Variants in TENM3 observed in about 807,000 individuals in gnomAD.
TENM3 encodes teneurin transmembrane protein 3, also known as teneurin-3.
TENM3 carries 63 observed loss-of-function variants against 255.1 expected under a neutral mutation model. That is an observed-to-expected ratio of 0.25 (90% CI 0.20 to 0.30). TENM3 has a LOEUF of 0.30. TENM3 is among the 10% of genes least tolerant of loss of function. The pLI is 1.00. For missense variants in TENM3, 2,929 were observed against 3,461.1 expected, an observed-to-expected ratio of 0.85 and a Z score of 3.86; for synonymous variants, 1,306 against 1,322.3, an observed-to-expected ratio of 0.99 and a Z score of 0.27.
At chr4:182,046,837 T>G in the TENM3 span, among the ~76,000 whole-genome samples, 7 of 152,354 alleles carry the variant, frequency 4.6e-5, no homozygotes, top group South Asian at 1.4e-3. Flanking sequence ...ATAGCAGGTT[T>G]CTATTTTGAA....
At chr4:182,333,516 GA>G (rs1763912959) in intron 2 of TENM3, among the ~76,000 whole-genome samples, 1 of 151,982 alleles carries the variant, frequency 6.6e-6, no homozygotes, top group Admixed American at 6.6e-5. Context: ...ACACGTTTTG[GA>G]AAAAATTTAG....
chr4:181,623,614 C>A, the TENM3 span, among the ~76,000 whole-genome samples: 1 of 152,204 alleles, frequency 6.6e-6, no homozygotes, highest in Non-Finnish European at 1.5e-5. Flanking sequence ...TCTTAAAAAT[C>A]TGTGAAATCA....
chr4:182,646,922 A>G (rs1173730141), intron 5 of TENM3, among the ~76,000 whole-genome samples: 2 of 152,194 alleles, frequency 1.3e-5, no homozygotes, highest in African/African-American at 4.8e-5. Flanking sequence ...AGGGAAGGAG[A>G]GAAATTAAGC....
chr4:181,690,789 G>C, the TENM3 span, among the ~76,000 whole-genome samples: 1 of 152,162 alleles, frequency 6.6e-6, no homozygotes, highest in African/African-American at 2.4e-5. Context: ...TGGATTGACA[G>C]TTATAGGTAT....
At chr4:182,059,330 A>G in the TENM3 span, among the ~76,000 whole-genome samples, 27 of 152,278 alleles carry the variant, frequency 1.8e-4, no homozygotes, top group East Asian at 4.8e-3. Context: ...TTATAGTTTT[A>G]AGAAGCACAT....
chr4:182,784,980 G>A (rs920086612), intron 24 of TENM3, among the ~76,000 whole-genome samples: 103 of 152,286 alleles, frequency 6.8e-4, no homozygotes, highest in Non-Finnish European at 3.2e-4. Flanking sequence ...GATGAACCCG[G>A]TACCTCAGAT....
the TENM3 span, among the ~76,000 whole-genome samples, chr4:181,779,702 T>C: frequency 1.3e-4 from 20 of 152,292 alleles, no homozygotes; most frequent in Middle Eastern, 3.4e-3. Context: ...GTTTGTTACA[T>C]ATGTATACGT....
chr4:182,386,148 G>A (rs575009309), intron 3 of TENM3, among the ~76,000 whole-genome samples: 11 of 152,258 alleles, frequency 7.2e-5, no homozygotes, highest in East Asian at 1.9e-4. Flanking sequence ...ATTAGAATTC[G>A]CAAAAGTATC....
intron 1 of TENM3, among the ~76,000 whole-genome samples, chr4:182,277,618 TCTC>T (rs1324851796): frequency 6.6e-6 from 1 of 152,140 alleles, no homozygotes; most frequent in East Asian, 1.9e-4. Context: ...AGGCTAGACA[TCTC>T]CTGGGAACAA....
chr4:182,230,414 T>G (rs1187273556), intron 1 of TENM3, among the ~76,000 whole-genome samples: 1 of 152,108 alleles, frequency 6.6e-6, no homozygotes, highest in Admixed American at 6.6e-5. Flanking sequence ...TGACGTTTCC[T>G]CCATCCTCCA....
chr4:182,075,840 G>A, the TENM3 span, among the ~76,000 whole-genome samples: 1 of 152,116 alleles, frequency 6.6e-6, no homozygotes, highest in South Asian at 2.1e-4. Context: ...GCCCAGACTG[G>A]AAATTTTATG....
chr4:182,080,634 T>C, the TENM3 span, among the ~76,000 whole-genome samples: 1 of 152,206 alleles, frequency 6.6e-6, no homozygotes, highest in African/African-American at 2.4e-5. Flanking sequence ...CACTATATTA[T>C]CATCCATCCA....
chr4:182,639,031 G>A (rs1241714890), intron 5 of TENM3, among the ~76,000 whole-genome samples: 2 of 152,062 alleles, frequency 1.3e-5, no homozygotes, highest in East Asian at 1.9e-4. Flanking sequence ...ATTTTTTCAT[G>A]TATCTCCTTT....
At chr4:181,857,441 G>A in the TENM3 span, among the ~76,000 whole-genome samples, 2 of 151,656 alleles carry the variant, frequency 1.3e-5, no homozygotes, top group African/African-American at 4.8e-5. Flanking sequence ...TTGGCCAGGT[G>A]CAGTGGCTCA....
chr4:181,839,496 T>A, the TENM3 span, among the ~76,000 whole-genome samples: 1 of 147,456 alleles, frequency 6.8e-6, no homozygotes, highest in African/African-American at 2.5e-5. Flanking sequence ...ATATAATATA[T>A]AATACATATG....
At chr4:181,753,210 C>T in the TENM3 span, among the ~76,000 whole-genome samples, 1 of 152,194 alleles carries the variant, frequency 6.6e-6, no homozygotes, top group South Asian at 2.1e-4. Context: ...ATTCAGCAAA[C>T]TCTAGGTCAG....
chr4:181,791,038 T>C, the TENM3 span, among the ~76,000 whole-genome samples: 1 of 152,328 alleles, frequency 6.6e-6, no homozygotes, highest in Non-Finnish European at 1.5e-5. Flanking sequence ...ATGGGGCATG[T>C]ACAGAATACA....
chr4:182,107,409 A>G, the TENM3 span, among the ~76,000 whole-genome samples: 32 of 152,154 alleles, frequency 2.1e-4, no homozygotes, highest in Non-Finnish European at 3.7e-4. Flanking sequence ...ATCGAAGGAC[A>G]TCCTGTTTCT....
At chr4:181,587,552 T>C in the TENM3 span, among the ~76,000 whole-genome samples, 2 of 152,186 alleles carry the variant, frequency 1.3e-5, no homozygotes, top group Non-Finnish European at 2.9e-5. Flanking sequence ...ATCCCCGTTT[T>C]ACAGATGAAG....
Sources: allele counts gnomAD v4.1 joint callset (sites outside exome capture counted in the v4.1 genomes callset), GRCh38; gene constraint gnomAD v4.1.1; transcripts MANE v1.5; gene names NCBI Gene and HGNC (gene_info 2026-07-23, HGNC 2026-07-21).